Variants in DRC11 observed in about 807,000 individuals in gnomAD.
The protein encoded by DRC11 is dynein regulatory complex subunit 11.
At chr2:236,392,091 A>T in the DRC11 span, 1 of 1,606,648 alleles carries the variant, frequency 6.2e-7, no homozygotes, top group Non-Finnish European at 8.5e-7. The surrounding 1 kb of genome is among the most constrained non-coding windows in gnomAD (Gnocchi z 5.1). Context: ...TACAAAACAT[A>T]CTACTTTTAA....
the DRC11 span, among the ~76,000 whole-genome samples, chr2:236,429,340 G>T: frequency 6.6e-6 from 1 of 152,204 alleles, no homozygotes; most frequent in Non-Finnish European, 1.5e-5. This position sits in a 1 kb window ranked among gnomAD's most constrained non-coding sequence, Gnocchi z 5.9. Flanking sequence ...GAGGCCAGCT[G>T]CAGGTCATCA....
chr2:236,456,800 G>A, the DRC11 span, among the ~76,000 whole-genome samples: 3 of 152,178 alleles, frequency 2.0e-5, no homozygotes, highest in African/African-American at 7.2e-5. This position sits in a 1 kb window ranked among gnomAD's most constrained non-coding sequence, Gnocchi z 5.4. Flanking sequence ...TAAGTAACAA[G>A]CGTAGGTGGC....
At chr2:236,495,963 G>C in the DRC11 span, among the ~76,000 whole-genome samples, 1 of 152,178 alleles carries the variant, frequency 6.6e-6, no homozygotes, top group Non-Finnish European at 1.5e-5. The surrounding 1 kb of genome is among the most constrained non-coding windows in gnomAD (Gnocchi z 5.6). Context: ...GAAAGGCAAG[G>C]CCGTGGAGTA....
At chr2:236,326,841 T>TGTGTGTGTGTGTG in the DRC11 span, among the ~76,000 whole-genome samples, 1 of 133,888 alleles carries the variant, frequency 7.5e-6, no homozygotes, top group East Asian at 2.2e-4. Context: ...TGTGTGTGTG[T>TGTGTGTGTGTGTG]TTGAGATGGA....
At chr2:236,499,964 C>T in the DRC11 span, among the ~76,000 whole-genome samples, 1 of 152,168 alleles carries the variant, frequency 6.6e-6, no homozygotes, top group Non-Finnish European at 1.5e-5. The surrounding 1 kb of genome is among the most constrained non-coding windows in gnomAD (Gnocchi z 4.7). Flanking sequence ...CTCAAACATG[C>T]TCCATTCTTC....
At chr2:236,313,333 T>C in the DRC11 span, among the ~76,000 whole-genome samples, 1 of 152,134 alleles carries the variant, frequency 6.6e-6, no homozygotes, top group Non-Finnish European at 1.5e-5. This position sits in a 1 kb window ranked among gnomAD's most constrained non-coding sequence, Gnocchi z 4.5. Flanking sequence ...TACTTGAAAA[T>C]GCAACACTGG....
the DRC11 span, among the ~76,000 whole-genome samples, chr2:236,498,654 G>A: frequency 8.4e-4 from 128 of 152,256 alleles, 1 homozygote; most frequent in African/African-American, 2.9e-3. Flanking sequence ...GGCTGGGTGT[G>A]CCCTTCCACC....
At chr2:236,324,497 A>G in the DRC11 span, 4 of 509,826 alleles carry the variant, frequency 7.8e-6, no homozygotes, top group African/African-American at 7.7e-5. This position sits in a 1 kb window ranked among gnomAD's most constrained non-coding sequence, Gnocchi z 5.7. Context: ...ATAACAGCAC[A>G]TGCAGTGGTT....
chr2:236,318,941 T>G, the DRC11 span, among the ~76,000 whole-genome samples: 1 of 151,586 alleles, frequency 6.6e-6, no homozygotes, highest in Non-Finnish European at 1.5e-5. The surrounding 1 kb of genome is among the most constrained non-coding windows in gnomAD (Gnocchi z 7.0). Context: ...GCTCCAGAGG[T>G]GGAGCCAGGG....
chr2:236,503,262 G>T, the DRC11 span, among the ~76,000 whole-genome samples: 3 of 152,184 alleles, frequency 2.0e-5, no homozygotes, highest in Non-Finnish European at 2.9e-5. The surrounding 1 kb of genome is among the most constrained non-coding windows in gnomAD (Gnocchi z 4.9). Flanking sequence ...GGTTGAAGAG[G>T]CTCCTGCTTC....
chr2:236,368,140 C>A, the DRC11 span: 2 of 1,043,994 alleles, frequency 1.9e-6, no homozygotes, highest in Non-Finnish European at 2.9e-6. Flanking sequence ...TCCAAACCAG[C>A]AAGCGGTGCA....
the DRC11 span, among the ~76,000 whole-genome samples, chr2:236,439,306 A>T: frequency 6.6e-6 from 1 of 152,220 alleles, no homozygotes; most frequent in Non-Finnish European, 1.5e-5. Context: ...GATCAACAAA[A>T]TTGATAGACC....
At chr2:236,435,194 G>A in the DRC11 span, among the ~76,000 whole-genome samples, 2 of 152,246 alleles carry the variant, frequency 1.3e-5, no homozygotes, top group East Asian at 1.9e-4. Context: ...GCTAAAGCCT[G>A]TATTTTACTG....
the DRC11 span, among the ~76,000 whole-genome samples, chr2:236,352,400 G>A: frequency 6.6e-6 from 1 of 152,138 alleles, no homozygotes; most frequent in Admixed American, 6.5e-5. The surrounding 1 kb of genome is among the most constrained non-coding windows in gnomAD (Gnocchi z 7.0). Flanking sequence ...GCGTGGGCTA[G>A]GGACAGAAGG....
the DRC11 span, among the ~76,000 whole-genome samples, chr2:236,395,213 C>A: frequency 8.4e-4 from 128 of 152,152 alleles, 2 homozygotes; most frequent in African/African-American, 2.8e-3. Context: ...TTCATTCACA[C>A]GGGGCAGGTG....
At chr2:236,430,309 C>A in the DRC11 span, among the ~76,000 whole-genome samples, 12 of 151,736 alleles carry the variant, frequency 7.9e-5, no homozygotes, top group Non-Finnish European at 1.8e-4. The surrounding 1 kb of genome is among the most constrained non-coding windows in gnomAD (Gnocchi z 6.0). Context: ...TTTTTTAAAC[C>A]AATACAAAAT....
the DRC11 span, chr2:236,487,014 T>C: frequency 1.4e-6 from 1 of 736,114 alleles, no homozygotes; most frequent in Non-Finnish European, 2.3e-6. Context: ...TCCTAAGCTC[T>C]AGGCTGTCCA....
the DRC11 span, among the ~76,000 whole-genome samples, chr2:236,366,255 C>T: frequency 3.3e-5 from 5 of 152,170 alleles, no homozygotes; most frequent in Non-Finnish European, 7.3e-5. Context: ...CCCCAGGCTG[C>T]AGCCGGTGTC....
the DRC11 span, among the ~76,000 whole-genome samples, chr2:236,393,712 A>G: frequency 2.3e-4 from 35 of 152,282 alleles, no homozygotes; most frequent in African/African-American, 7.5e-4. The surrounding 1 kb of genome is among the most constrained non-coding windows in gnomAD (Gnocchi z 4.7). Context: ...GACTCTCAGG[A>G]GAGGTGGGGA....
Sources: gnomAD v4.1 joint callset for allele counts (sites outside exome capture counted in the v4.1 genomes callset) on GRCh38, gnomAD v4.1.1 for gene constraint, Gnocchi (gnomAD v3.1) non-coding constraint, MANE v1.5 for transcripts, NCBI Gene and HGNC (gene_info 2026-07-23, HGNC 2026-07-21) for gene names.